The following ZAR1 variants were observed in gnomAD, a reference collection of about 807,000 sequenced individuals.
ZAR1 encodes the protein zygote arrest 1.
ZAR1 carries 37 observed loss-of-function variants against 38.3 expected under a neutral mutation model. That is an observed-to-expected ratio of 0.97 (90% CI 0.74 to 1.27). The LOEUF (loss-of-function observed/expected upper bound fraction) is 1.27. Among genes scored for constraint, ZAR1 ranks in the 50% most tolerant of loss-of-function variants. ZAR1 has a pLI of 0.00. For missense variants in ZAR1, 651 were observed against 632.4 expected, an observed-to-expected ratio of 1.03 and a Z score of -0.32; for synonymous variants, 336 against 292.0, an observed-to-expected ratio of 1.15 and a Z score of -1.53.
downstream of ZAR1, among the ~76,000 whole-genome samples, chr4:48,496,036 TC>T: frequency 6.6e-6 from 1 of 152,144 alleles, no homozygotes; most frequent in Admixed American, 6.5e-5. Context: ...GCTCAAGTGA[TC>T]CATCCTCCTG....
chr4:48,490,607 G>A lies in ZAR1; in HGVS notation c.316G>A (p.Val106Met). The A allele has an allele frequency of 6.5e-6, 9 of 1,376,070 alleles. No homozygotes were observed. Among genetic ancestry groups the A allele is most frequent in the Non-Finnish European group, 7.4e-6 (8 of 1,075,640 alleles). The allele number at this position is 1,376,070 out of a possible 1,614,324, so 85.2% of individuals were successfully genotyped here. Reference sequence around the variant, plus strand: ...CGCCCGCAGGGCCGGCAGCTGCGACGTGGCGGTGCAGGTGAGCCCGCGCAT... The same window carrying A: ...CGCCCGCAGGGCCGGCAGCTGCGACATGGCGGTGCAGGTGAGCCCGCGCAT... ...PRARRAGSCD[V>M]AVQVSPRIDA... The change falls in exon 1 of 4, where the codon GTG becomes ATG. Residue 106 changes from valine (V) to methionine (M), a missense_variant. Around this residue, in one of 2 missense-constraint regions of ZAR1, gnomAD observed 522 missense variants for 459.9 expected, o/e 1.14. Transcript: ENST00000327939.
chr4:48,490,945 G>A lies in ZAR1; in HGVS notation c.654G>A (p.Ala218=). The A allele has an allele frequency of 7.5e-7, 1 of 1,341,426 alleles. No individual in the cohort carries two copies. The highest frequency in any genetic ancestry group is 9.5e-7 in the Non-Finnish European group (1 of 1,051,062). The allele number at this position is 1,341,426 out of a possible 1,614,324, so 83.1% of individuals were successfully genotyped here. The change falls in exon 1 of 4, where the codon GCG becomes GCA. Residue 218 remains alanine (A), a synonymous_variant. Coordinates refer to ENST00000327939, the MANE Select transcript of ZAR1 (RefSeq NM_175619.3). The part of the protein sequence containing the change: ...ASDGERGPPP[A]RLQGPEEGEV... ...ACGGAGAGAGGGGGCCGCCGCCCGC[G>A]CGGCTTCAAGGCCCAGAGGAGGGGG...
chr4:48,490,374 C>T lies in ZAR1; in HGVS notation c.83C>T (p.Ala28Val), dbSNP rs2148673334. The T allele has an allele frequency of 1.3e-6, 2 of 1,504,486 alleles. No individual in the cohort carries two copies. Among genetic ancestry groups the T allele is most frequent in the East Asian group, 5.6e-5 (2 of 35,580 alleles). 93.2% of individuals were successfully genotyped at this position (1,504,486 alleles called of 1,614,324 possible). A position where few individuals can be genotyped will look rare whatever the true frequency, so the allele number is the denominator to read the frequency against. ...PPCSYRYPYPAATKGKGAAGG... is the reference protein window; with the variant it reads ...PPCSYRYPYPVATKGKGAAGG... ...TGCTCGTACCGGTACCCATACCCCGCGGCCACCAAGGGCAAGGGCGCGGCG... is the reference window on the plus strand; with the variant it reads ...TGCTCGTACCGGTACCCATACCCCGTGGCCACCAAGGGCAAGGGCGCGGCG... The change falls in exon 1 of 4, where the codon GCG becomes GTG. Residue 28 changes from alanine to valine, a missense_variant. Ala to Val is a moderately conservative substitution (Grantham distance 64). This residue lies in a region of ZAR1 where 522 missense variants were observed against 459.9 expected (regional missense o/e 1.14). Coordinates refer to ENST00000327939, the MANE Select transcript of ZAR1 (RefSeq NM_175619.3).
downstream of ZAR1, among the ~76,000 whole-genome samples, chr4:48,495,330 C>T (rs1246382301): frequency 2.0e-5 from 3 of 152,184 alleles, no homozygotes; most frequent in Non-Finnish European, 4.4e-5. Flanking sequence ...ACAAACATCC[C>T]ACTTAAGTGA....
chr4:48,494,394 T>C (rs1718530699), downstream of ZAR1: 4 of 968,120 alleles, frequency 4.1e-6, no homozygotes, highest in East Asian at 2.5e-5. Context: ...ACACGATTTA[T>C]ACATTGCATA....
downstream of ZAR1, among the ~76,000 whole-genome samples, chr4:48,495,039 T>A (rs1290160820): frequency 6.6e-6 from 1 of 152,192 alleles, no homozygotes; most frequent in African/African-American, 2.4e-5. Flanking sequence ...CTTCTTTTTT[T>A]AAAGTAGGCC....
intron 1 of ZAR1, among the ~76,000 whole-genome samples, chr4:48,492,273 G>A (rs1221001474): frequency 6.6e-6 from 1 of 152,308 alleles, no homozygotes; most frequent in East Asian, 1.9e-4. Context: ...CACTACTTTT[G>A]TTCATATTGA....
downstream of ZAR1, among the ~76,000 whole-genome samples, chr4:48,495,311 A>G (rs1009302251): frequency 2.1e-4 from 32 of 152,318 alleles, no homozygotes; most frequent in Middle Eastern, 3.4e-3. Flanking sequence ...TTATGCCTCC[A>G]ATTCTCTAAC....
At chr4:48,494,970 T>C (rs2148675256), downstream of ZAR1, among the ~76,000 whole-genome samples, 1 of 152,336 alleles carries the variant, frequency 6.6e-6, no homozygotes, top group East Asian at 1.9e-4. Context: ...CTAGCTGCTT[T>C]TAAGACACTG....
intron 1 of ZAR1, among the ~76,000 whole-genome samples, chr4:48,491,541 C>T (rs1249828736): frequency 8.8e-5 from 13 of 147,016 alleles, no homozygotes; most frequent in Middle Eastern, 3.5e-3. Flanking sequence ...AAACCTCGCG[C>T]AGTGGGCGCA....
In ZAR1 at chr4:48,490,358, C is replaced by A. The variant is rs1163414920; in HGVS notation, c.67C>A (p.Arg23=). Residue 23 remains arginine, a synonymous_variant, in exon 1 of 4, where the codon CGG becomes AGG. Coordinates refer to ENST00000327939, the MANE Select transcript of ZAR1 (RefSeq NM_175619.3). The part of the protein sequence containing the change: ...VFPACPPCSY[R]YPYPAATKGK... ...CCCGGCGTGCCCCCCCTGCTCGTAC[C>A]GGTACCCATACCCCGCGGCCACCAA... 2 of 1,511,838 alleles carry A rather than the reference C, an allele frequency of 1.3e-6. No homozygotes were observed. The highest frequency in any genetic ancestry group is 1.4e-5 in the African/African-American group (1 of 69,314). 93.7% of individuals were successfully genotyped at this position (1,511,838 alleles called of 1,614,324 possible). A position where few individuals can be genotyped will look rare whatever the true frequency, so the allele number is the denominator to read the frequency against.
Position 48,490,850 on chromosome 4 carries a change from T to A in ZAR1, c.559T>A (p.Leu187Met). The change falls in exon 1 of 4, where the codon TTG (leucine) becomes ATG (methionine). Residue 187 changes from leucine to methionine, a missense_variant. Around this residue, in one of 2 missense-constraint regions of ZAR1, gnomAD observed 522 missense variants for 459.9 expected, o/e 1.14. Transcript: ENST00000327939. ...CGTCGCCGTGTACTCGCCCCTGGCC[T>A]TGCGCCGTCTCACCGCCTTCCTGGA... is the stretch of plus-strand genomic sequence containing the variant. ...RTVAVYSPLA[L>M]RRLTAFLEGP... is the part of the protein sequence containing the mutation. 6.8e-7 allele frequency: 1 copy of A among 1,478,198 alleles called. No homozygotes were observed. The highest frequency in any genetic ancestry group is 8.9e-7 in the Non-Finnish European group (1 of 1,120,614). The allele number at this position is 1,478,198 out of a possible 1,614,324, so 91.6% of individuals were successfully genotyped here.
downstream of ZAR1, among the ~76,000 whole-genome samples, chr4:48,494,917 A>G (rs1718544837): frequency 6.6e-6 from 1 of 152,180 alleles, no homozygotes. Context: ...CAGTTTCACA[A>G]ATGTGGCAAA....
chr4:48,490,421 G>T lies in ZAR1; in HGVS notation c.130G>T (p.Gly44Cys), dbSNP rs1265090222. Residue 44 changes from glycine to cysteine, a missense_variant, in exon 1 of 4, where the codon GGC becomes TGC. Transcript: ENST00000327939. ...GAAGGSWQQR[G>C]RGCLPASSPC... ...GGCGGGCGGCAGCTGGCAGCAGCGC[G>T]GCAGGGGCTGCCTTCCCGCCTCCTC... 4.7e-6 allele frequency: 7 copies of T among 1,482,462 alleles called. No homozygotes were observed. Among genetic ancestry groups the T allele is most frequent in the Non-Finnish European group, 6.2e-6 (7 of 1,121,080 alleles). 91.8% of individuals were successfully genotyped at this position (1,482,462 alleles called of 1,614,324 possible).
chr4:48,495,800 A>T (rs1251493536), downstream of ZAR1, among the ~76,000 whole-genome samples: 1 of 152,200 alleles, frequency 6.6e-6, no homozygotes, highest in Non-Finnish European at 1.5e-5. Flanking sequence ...GGAGAGGGGA[A>T]AATTTCCAGA....
At chr4:48,494,735 G>T (rs935081531), downstream of ZAR1, among the ~76,000 whole-genome samples, 4 of 152,200 alleles carry the variant, frequency 2.6e-5, no homozygotes, top group African/African-American at 9.6e-5. Context: ...ATTCTTTTGG[G>T]AGAGGTGGAG....
chr4:48,490,702 G>C lies in ZAR1; in HGVS notation c.411G>C (p.Pro137=). 1 of 1,324,824 alleles carries C rather than the reference G, an allele frequency of 7.5e-7. No homozygotes were observed. The highest frequency in any genetic ancestry group is 1.5e-5 in the African/African-American group (1 of 64,996). 82.1% of individuals were successfully genotyped at this position (1,324,824 alleles called of 1,614,324 possible). The stretch of plus-strand genomic sequence containing the variant: ...GCCGGGCCCGCGACCCCGAGTCCCC[G>C]GCCGGCCCCGGGGCCGAGGGCACCA... ...LQRRARDPES[P]AGPGAEGTTG... The change falls in exon 1 of 4, where the codon CCG becomes CCC. Residue 137 remains proline, a synonymous_variant. Coordinates refer to ENST00000327939, the MANE Select transcript of ZAR1 (RefSeq NM_175619.3).
chr4:48,490,410 G>A lies in ZAR1; in HGVS notation c.119G>A (p.Trp40Ter), dbSNP rs758214383. Reference protein sequence around the residue: ...TKGKGAAGGSWQQRGRGCLPA... With the variant: ...TKGKGAAGGS ...GGCAAGGGCGCGGCGGGCGGCAGCT[G>A]GCAGCAGCGCGGCAGGGGCTGCCTT... The change falls in exon 1 of 4, where the codon TGG (tryptophan) becomes TAG (stop). Residue 40 changes from tryptophan to a stop codon, truncating the protein, a stop_gained. Coordinates refer to ENST00000327939, the MANE Select transcript of ZAR1 (RefSeq NM_175619.3). LOFTEE classifies it high-confidence loss of function. 3.4e-6 allele frequency: 5 copies of A among 1,491,316 alleles called. No individual in the cohort carries two copies. The highest frequency in any genetic ancestry group is 4.4e-6 in the Non-Finnish European group (5 of 1,124,578). The allele number at this position is 1,491,316 out of a possible 1,614,324, so 92.4% of individuals were successfully genotyped here.
At chr4:48,495,464 A>T (rs1184646041), downstream of ZAR1, among the ~76,000 whole-genome samples, 2 of 152,184 alleles carry the variant, frequency 1.3e-5, no homozygotes, top group African/African-American at 4.8e-5. Flanking sequence ...CACCTGCATC[A>T]ATGTGGACAG....
Sources: allele counts gnomAD v4.1 joint callset (sites outside exome capture counted in the v4.1 genomes callset), GRCh38; gene constraint gnomAD v4.1.1; regional missense constraint gnomAD v4.1.1; transcripts MANE v1.5; gene names NCBI Gene and HGNC (gene_info 2026-07-23, HGNC 2026-07-21).